The following NAALADL2 variants were observed in gnomAD, a reference collection of about 807,000 sequenced individuals.
NAALADL2 encodes the protein N-acetylated alpha-linked acidic dipeptidase like 2, also known as inactive N-acetylated-alpha-linked acidic dipeptidase-like protein 2.
NAALADL2 carries 76 observed loss-of-function variants against 87.2 expected under a neutral mutation model. The ratio of observed to expected loss-of-function variants is 0.87; its 90% CI spans 0.72 to 1.05. NAALADL2 has a LOEUF of 1.05. Ranked by LOEUF, NAALADL2 falls within the 50% of genes least tolerant of loss-of-function variation. NAALADL2 has a pLI of 0.00. For missense variants in NAALADL2, 1,089 were observed against 945.8 expected, an observed-to-expected ratio of 1.15 and a Z score of -1.99; for synonymous variants, 354 against 331.0, an observed-to-expected ratio of 1.07 and a Z score of -0.75.
intron 11 of NAALADL2, among the ~76,000 whole-genome samples, chr3:175,731,765 G>T (rs531709253): frequency 6.6e-6 from 1 of 152,100 alleles, no homozygotes; most frequent in Non-Finnish European, 1.5e-5. Context: ...TGTTCAAGGT[G>T]CCAAGCCACT....
At chr3:174,973,274 G>A (rs1160050179) in intron 1 of NAALADL2, among the ~76,000 whole-genome samples, 1 of 152,078 alleles carries the variant, frequency 6.6e-6, no homozygotes, top group Non-Finnish European at 1.5e-5. Context: ...CATTCTGCTT[G>A]TATTTCAACA....
chr3:175,645,116 A>ATTTTT (rs575084906), intron 11 of NAALADL2, among the ~76,000 whole-genome samples: 1 of 146,436 alleles, frequency 6.8e-6, no homozygotes, highest in African/African-American at 2.5e-5. Context: ...GCGAAGCTGT[A>ATTTTT]TTTTTTTTTT....
At chr3:175,069,050 T>TA (rs1357575220) in intron 1 of NAALADL2, among the ~76,000 whole-genome samples, 1 of 151,948 alleles carries the variant, frequency 6.6e-6, no homozygotes, top group East Asian at 1.9e-4. Context: ...CCTAAAACAA[T>TA]AAAAACCCTA....
At chr3:174,772,465 G>C (rs187594003) in intron 3 of NAALADL2, among the ~76,000 whole-genome samples, 9 of 152,226 alleles carry the variant, frequency 5.9e-5, no homozygotes, top group Admixed American at 5.9e-4. Flanking sequence ...TGAATTTAAG[G>C]AAATGTGATT....
At chr3:174,961,761 G>T (rs940217355) in intron 1 of NAALADL2, among the ~76,000 whole-genome samples, 2 of 151,960 alleles carry the variant, frequency 1.3e-5, no homozygotes, top group Non-Finnish European at 2.9e-5. Context: ...ATTACATCCT[G>T]ACTCTATAGC....
chr3:175,532,693 A>T (rs141151912), intron 9 of NAALADL2, among the ~76,000 whole-genome samples: 1 of 152,310 alleles, frequency 6.6e-6, no homozygotes, highest in East Asian at 1.9e-4. Context: ...CGGTGGCTAC[A>T]CCCACCTTGC....
At chr3:175,429,176 TAC>T (rs749991023) in intron 5 of NAALADL2, among the ~76,000 whole-genome samples, 11,107 of 125,290 alleles carry the variant, frequency 0.089, 457 homozygotes, top group East Asian at 0.13. Context: ...TATATATATG[TAC>T]ACACACACAC....
At chr3:175,377,083 C>T (rs995162686) in intron 5 of NAALADL2, among the ~76,000 whole-genome samples, 1 of 152,024 alleles carries the variant, frequency 6.6e-6, no homozygotes, top group Non-Finnish European at 1.5e-5. Flanking sequence ...GAGACCCAAG[C>T]AGGCAGATTG....
At chr3:174,769,278 C>T (rs964942202) in intron 3 of NAALADL2, among the ~76,000 whole-genome samples, 19 of 151,826 alleles carry the variant, frequency 1.3e-4, no homozygotes, top group African/African-American at 4.6e-4. Flanking sequence ...AGCCTAAAAC[C>T]TTGTTGTTCA....
intron 2 of NAALADL2, among the ~76,000 whole-genome samples, chr3:175,108,257 T>A (rs1286397427): frequency 6.6e-6 from 1 of 151,954 alleles, no homozygotes; most frequent in Non-Finnish European, 1.5e-5. Context: ...CTTCCTCTCA[T>A]GGCTCACTTC....
chr3:175,573,593 A>T (rs1327574728), intron 9 of NAALADL2, among the ~76,000 whole-genome samples: 3 of 152,168 alleles, frequency 2.0e-5, no homozygotes, highest in Non-Finnish European at 4.4e-5. Flanking sequence ...AGCTAAACAA[A>T]TACCTCCAGA....
chr3:174,718,446 A>G (rs1388932975), intron 2 of NAALADL2, among the ~76,000 whole-genome samples: 2 of 152,190 alleles, frequency 1.3e-5, no homozygotes, highest in Non-Finnish European at 2.9e-5. Context: ...CAGAGTTCAT[A>G]CCTTCATTAT....
intron 1 of NAALADL2, among the ~76,000 whole-genome samples, chr3:174,498,097 A>G (rs1718656230): frequency 6.6e-6 from 1 of 152,152 alleles, no homozygotes; most frequent in South Asian, 2.1e-4. Flanking sequence ...TGAAGTTTTG[A>G]CATATGTTTA....
chr3:175,113,834 A>G lies in NAALADL2; in HGVS notation c.545+16543A>G, dbSNP rs927261714. On this transcript the variant is annotated intron_variant, in intron 2 of 13. Coordinates refer to ENST00000454872, the MANE Select transcript of NAALADL2 (RefSeq NM_207015.3). ...ACTATATTCATCTTTTCAAAATCGT[A>G]AACAAACCCAAAGTTTTCTCTGGAG... Among the ~76,000 whole-genome samples the G allele has an allele frequency of 8.6e-5, 13 of 151,618 alleles. No individual in the cohort carries two copies. The East Asian group carries it at 2.5e-3, about 30-fold the overall frequency.
At chr3:175,055,471 G>A (rs139010027) in intron 1 of NAALADL2, among the ~76,000 whole-genome samples, 15,138 of 152,250 alleles carry the variant, frequency 0.099, 934 homozygotes, top group East Asian at 0.21. Flanking sequence ...AAGGCTCACA[G>A]CTTTTGTACA....
At chr3:175,334,566 C>T (rs761027208) in intron 5 of NAALADL2, among the ~76,000 whole-genome samples, 7 of 152,052 alleles carry the variant, frequency 4.6e-5, no homozygotes, top group Admixed American at 1.3e-4. Flanking sequence ...TACACATATT[C>T]TTCTTATTTA....
chr3:175,523,927 T>C (rs539752595), intron 9 of NAALADL2, among the ~76,000 whole-genome samples: 1 of 152,344 alleles, frequency 6.6e-6, no homozygotes, highest in East Asian at 1.9e-4. Context: ...AATTTAGAAC[T>C]CATATCTAAG....
Position 174,847,496 on chromosome 3 carries a change from T to G in NAALADL2, c.-9+109750T>G, listed in dbSNP as rs1288093541. Among the ~76,000 whole-genome samples the G allele has an allele frequency of 2.0e-5, 3 of 152,120 alleles. No homozygotes were observed. The East Asian group carries it at 5.8e-4, about 29-fold the overall frequency. On this transcript the variant is annotated intron_variant, in intron 3 of 3. Coordinates refer to the NAALADL2 transcript ENST00000434257. ...TAAAAAATAGGCTAAACTCAGAAAA[T>G]TTTATGTGCCATTAGTTCCCAACAG...
intron 2 of NAALADL2, among the ~76,000 whole-genome samples, chr3:175,177,268 CTG>C (rs1261655019): frequency 2.0e-5 from 3 of 152,102 alleles, no homozygotes; most frequent in Non-Finnish European, 4.4e-5. Flanking sequence ...TCTGTGATAT[CTG>C]TGCTTGTAAT....
Sources: gnomAD v4.1 joint callset for allele counts (sites outside exome capture counted in the v4.1 genomes callset) on GRCh38, gnomAD v4.1.1 for gene constraint, MANE v1.5 for transcripts, NCBI Gene and HGNC (gene_info 2026-07-23, HGNC 2026-07-21) for gene names.